Variants in KCNIP1 observed in about 807,000 individuals in gnomAD.
KCNIP1 encodes the protein potassium voltage-gated channel interacting protein 1, also known as A-type potassium channel modulatory protein KCNIP1.
KCNIP1 carries 18 observed loss-of-function variants against 33.0 expected under a neutral mutation model. The ratio of observed to expected loss-of-function variants is 0.55; its 90% CI spans 0.38 to 0.81. The LOEUF (loss-of-function observed/expected upper bound fraction) is 0.81, where lower values mean the gene tolerates loss of function less well. KCNIP1 is among the 30% of genes least tolerant of loss of function. KCNIP1 has a pLI of 0.00. For synonymous variants in KCNIP1, 93 were observed against 98.3 expected (o/e 0.95, Z 0.32); for missense variants, 238 against 271.6 (o/e 0.88, Z 0.87).
At chr5:170,553,601 G>T (rs1475189845) in intron 1 of KCNIP1, among the ~76,000 whole-genome samples, 1 of 152,222 alleles carries the variant, frequency 6.6e-6, no homozygotes. Flanking sequence ...ACGCCCAGAG[G>T]TGTGGGTGAG....
At chr5:170,668,340 C>T (rs542723446) in intron 1 of KCNIP1, among the ~76,000 whole-genome samples, 8 of 152,298 alleles carry the variant, frequency 5.3e-5, no homozygotes, top group Admixed American at 5.2e-4. Context: ...AAAATGTTCT[C>T]CACTGGTCCC....
intron 1 of KCNIP1, among the ~76,000 whole-genome samples, chr5:170,363,184 C>A (rs912112431): frequency 6.6e-6 from 1 of 152,208 alleles, no homozygotes; most frequent in African/African-American, 2.4e-5. Context: ...AACTTGCCAA[C>A]ATCACAGATA....
chr5:170,490,678 T>G (rs1757187425), intron 1 of KCNIP1, among the ~76,000 whole-genome samples: 1 of 152,174 alleles, frequency 6.6e-6, no homozygotes, highest in African/African-American at 2.4e-5. Flanking sequence ...AAGAAAAGGT[T>G]ATTAAAAAAT....
At chr5:170,468,957 T>C (rs1253708738) in intron 1 of KCNIP1, among the ~76,000 whole-genome samples, 1 of 152,110 alleles carries the variant, frequency 6.6e-6, no homozygotes, top group Non-Finnish European at 1.5e-5. Context: ...CTTTGCCCCA[T>C]TTCCCAGAGG....
At chr5:170,507,084 G>A (rs528545486) in intron 1 of KCNIP1, among the ~76,000 whole-genome samples, 1 of 152,272 alleles carries the variant, frequency 6.6e-6, no homozygotes, top group African/African-American at 2.4e-5. Flanking sequence ...GGTTCCATTT[G>A]GTTCTCAAAT....
chr5:170,473,687 C>T (rs2113142713), intron 1 of KCNIP1, among the ~76,000 whole-genome samples: 1 of 152,296 alleles, frequency 6.6e-6, no homozygotes, highest in South Asian at 2.1e-4. Flanking sequence ...TCCAAGGGGA[C>T]AGACTGAACT....
intron 1 of KCNIP1, among the ~76,000 whole-genome samples, chr5:170,509,797 TG>T (rs767247631): frequency 1.3e-5 from 2 of 152,200 alleles, no homozygotes; most frequent in Non-Finnish European, 2.9e-5. Context: ...AGAAGAGTCC[TG>T]GTAATTTTTT....
intron 1 of KCNIP1, among the ~76,000 whole-genome samples, chr5:170,643,003 A>G (rs761679290): frequency 5.9e-5 from 9 of 152,196 alleles, no homozygotes; most frequent in Non-Finnish European, 8.8e-5. Context: ...CCCTTAGATG[A>G]CAAAGGGCCT....
At chr5:170,417,820 T>G (rs924360837) in intron 1 of KCNIP1, among the ~76,000 whole-genome samples, 1 of 152,208 alleles carries the variant, frequency 6.6e-6, no homozygotes, top group African/African-American at 2.4e-5. Flanking sequence ...CTCTCTCTTC[T>G]TTTCCTAAGT....
chr5:170,673,133 G>T (rs1397846570), intron 1 of KCNIP1, among the ~76,000 whole-genome samples: 1 of 152,250 alleles, frequency 6.6e-6, no homozygotes, highest in Admixed American at 6.5e-5. Flanking sequence ...AGTGTTCGAT[G>T]AATTCTGAGT....
chr5:170,636,944 C>T (rs182396578), intron 1 of KCNIP1, among the ~76,000 whole-genome samples: 2 of 152,256 alleles, frequency 1.3e-5, no homozygotes, highest in East Asian at 3.9e-4. Flanking sequence ...GGCCTGCAAA[C>T]CAGGCTGTCT....
intron 1 of KCNIP1, among the ~76,000 whole-genome samples, chr5:170,493,481 C>A (rs185452127): frequency 2.0e-5 from 3 of 152,270 alleles, no homozygotes; most frequent in African/African-American, 7.2e-5. Flanking sequence ...TCATTTCAAT[C>A]ATGAATTACA....
chr5:170,450,603 C>A (rs1246905118), intron 1 of KCNIP1, among the ~76,000 whole-genome samples: 1 of 152,154 alleles, frequency 6.6e-6, no homozygotes, highest in African/African-American at 2.4e-5. Context: ...TGCTATCCAC[C>A]CACACCCCTC....
chr5:170,500,979 A>G (rs74629649), upstream of KCNIP1, among the ~76,000 whole-genome samples: 7 of 152,326 alleles, frequency 4.6e-5, no homozygotes, highest in East Asian at 1.3e-3. Context: ...AGCAAAGAAA[A>G]GAGACTCACT....
chr5:170,370,433 C>A (rs931936793), intron 1 of KCNIP1, among the ~76,000 whole-genome samples: 2 of 152,184 alleles, frequency 1.3e-5, no homozygotes, highest in Non-Finnish European at 2.9e-5. Context: ...GATTCAAACT[C>A]TTGTTTTCCT....
Position 170,367,395 on chromosome 5 carries a change from AAGAAAG to A in KCNIP1, c.88+13433_88+13438del, listed in dbSNP as rs1462955858. 3.8e-5 allele frequency among the ~76,000 whole-genome samples: 5 copies of A among 130,972 alleles called. No individual in the cohort carries two copies. In the South Asian group the frequency reaches 9.5e-4, roughly 25 times the overall value. The allele number at this position is 130,972 out of a possible 152,430, so 85.9% of individuals were successfully genotyped here. A position where few individuals can be genotyped will look rare whatever the true frequency, so the allele number is the denominator to read the frequency against. On this transcript the variant is annotated intron_variant, in intron 1 of 7. Transcript: ENST00000377360. Reference sequence around the variant, plus strand: ...AAAGAAAGAAAGAAAGAAAGAAAGAAAGAAAGAAAGAAAGAAAGAAAGAAAGGAAAG... The same window carrying A: ...AAAGAAAGAAAGAAAGAAAGAAAGAAAAAGAAAGAAAGAAAGAAAGGAAAG...
rs558287959 is a variant in KCNIP1 at position 170,520,053 on chromosome 5, C to T, written c.61+15420C>T. Among the ~76,000 whole-genome samples, 17 of 152,248 alleles carry T rather than the reference C, an allele frequency of 1.1e-4. No homozygotes were observed. In the South Asian group the frequency reaches 1.7e-3, roughly 15 times the overall value. ...TCCCCAAGCTTCTAGTACCACCCTG[C>T]GACTCTACGTGTCAAACAGGAGGAG... On this transcript the variant is annotated intron_variant, in intron 1 of 7. Coordinates refer to ENST00000328939, the MANE Select transcript of KCNIP1 (RefSeq NM_014592.4).
intron 1 of KCNIP1, among the ~76,000 whole-genome samples, chr5:170,573,882 G>A (rs776031668): frequency 2.2e-4 from 33 of 152,168 alleles, no homozygotes; most frequent in Admixed American, 5.2e-4. Context: ...CCTATGCAAT[G>A]TGATGTTAGT....
At chr5:170,613,350 G>A (rs1485481384) in intron 1 of KCNIP1, among the ~76,000 whole-genome samples, 3 of 152,124 alleles carry the variant, frequency 2.0e-5, no homozygotes, top group Admixed American at 1.3e-4. Context: ...CTAATAATTA[G>A]ACAAAACATT....
Sources: gnomAD v4.1 joint callset for allele counts (sites outside exome capture counted in the v4.1 genomes callset) on GRCh38, gnomAD v4.1.1 for gene constraint, MANE v1.5 for transcripts, NCBI Gene and HGNC (gene_info 2026-07-23, HGNC 2026-07-21) for gene names.